KIAA0753: variants seen among roughly 807,000 people sequenced by gnomAD.
The protein encoded by KIAA0753 is KIAA0753.
In KIAA0753, 114 loss-of-function variants were observed where a neutral mutation model predicts 116.9. That is an observed-to-expected ratio of 0.98 (90% CI 0.84 to 1.14). The LOEUF is 1.14. Among genes scored for constraint, KIAA0753 ranks in the 50% most tolerant of loss-of-function variants. The pLI, the probability that KIAA0753 is intolerant of heterozygous loss-of-function variation, is 0.00. For missense variants in KIAA0753, 1,156 were observed against 1,172.4 expected (o/e 0.99, Z 0.20); for synonymous variants, 405 against 413.1 (o/e 0.98, Z 0.24).
intron 18 of KIAA0753, among the ~76,000 whole-genome samples, chr17:6,583,431 G>C (rs557667044): frequency 9.2e-5 from 14 of 152,110 alleles, no homozygotes; most frequent in Non-Finnish European, 2.1e-4. Context: ...TATCTCTTGG[G>C]ATGTTGTTTG....
intron 3 of KIAA0753, among the ~76,000 whole-genome samples, chr17:6,625,484 T>A (rs1971605768): frequency 1.3e-5 from 2 of 151,872 alleles, no homozygotes; most frequent in African/African-American, 4.8e-5. Context: ...CCGGCCAACA[T>A]GGCAAAACCC....
At chr17:6,629,575 G>A (rs1207559217) in intron 2 of KIAA0753, among the ~76,000 whole-genome samples, 1 of 152,100 alleles carries the variant, frequency 6.6e-6, no homozygotes, top group African/African-American at 2.4e-5. Context: ...GGAAAGAAAC[G>A]ATTTTATGGC....
chr17:6,635,584 A>G (rs971686378), intron 1 of KIAA0753: 1 of 152,614 alleles, frequency 6.6e-6, no homozygotes, highest in African/African-American at 2.4e-5. Flanking sequence ...AGTATGCTTC[A>G]CTCTGTCAGG....
At chr17:6,592,884 T>C (rs548564881) in intron 16 of KIAA0753, among the ~76,000 whole-genome samples, 106 of 152,144 alleles carry the variant, frequency 7.0e-4, no homozygotes, top group African/African-American at 2.6e-3. Flanking sequence ...CCATTTTTTT[T>C]CCATGGGAAA....
rs1414420640 is a variant in KIAA0753, at chr17:6,635,191, C to T, written c.-68-20G>A. 2 of 955,482 alleles carry T rather than the reference C, an allele frequency of 2.1e-6. No individual in the cohort carries two copies. Among genetic ancestry groups the T allele is most frequent in the Non-Finnish European group, 3.4e-6 (2 of 587,446 alleles). The allele number at this position is 955,482 out of a possible 1,614,324, so 59.2% of individuals were successfully genotyped here. A position where few individuals can be genotyped will look rare whatever the true frequency, so the allele number is the denominator to read the frequency against. ...CCATTCCTAAAACGAAACAAAGCTA[C>T]TTCAGACCAACAGCGTTGAACAAGG... On this transcript the variant is annotated intron_variant, in intron 1 of 18. Transcript: ENST00000361413.
chr17:6,592,437 G>A (rs1274583510), intron 16 of KIAA0753, among the ~76,000 whole-genome samples: 2 of 152,154 alleles, frequency 1.3e-5, no homozygotes, highest in East Asian at 3.9e-4. Context: ...CTTTTCTTGA[G>A]TAAGGCAGTA....
At chr17:6,634,028 T>A (rs1253708363) in intron 2 of KIAA0753, among the ~76,000 whole-genome samples, 1 of 151,282 alleles carries the variant, frequency 6.6e-6, no homozygotes, top group Non-Finnish European at 1.5e-5. Flanking sequence ...TTGCAATGTG[T>A]ACATCTTTCA....
chr17:6,582,535 T>G (rs1291504872), intron 18 of KIAA0753, among the ~76,000 whole-genome samples: 1 of 152,222 alleles, frequency 6.6e-6, no homozygotes, highest in Non-Finnish European at 1.5e-5. Context: ...CCACCCAGTT[T>G]TTGTTTTTTC....
chr17:6,623,114 T>C lies in KIAA0753; in HGVS notation c.889-17A>G, dbSNP rs1315495534. The C allele has an allele frequency of 1.9e-6, 3 of 1,599,792 alleles. No homozygotes were observed. Among genetic ancestry groups the C allele is most frequent in the East Asian group, 2.3e-5 (1 of 44,354 alleles). On this transcript the variant is annotated splice_polypyrimidine_tract_variant and intron_variant, in intron 5 of 18. Transcript: ENST00000361413. Reference sequence around the variant, plus strand: ...TGCCCATGACTGGTAATAAACAAGATGAGAGAAGTTATTTCCATACTCAGA... The same window carrying C: ...TGCCCATGACTGGTAATAAACAAGACGAGAGAAGTTATTTCCATACTCAGA...
chr17:6,601,607 A>G (rs935019955), intron 12 of KIAA0753, among the ~76,000 whole-genome samples: 10 of 152,378 alleles, frequency 6.6e-5, no homozygotes, highest in Middle Eastern at 3.4e-3. Flanking sequence ...GATATCCATT[A>G]AAGAAAATGA....
Position 6,639,196 on chromosome 17 carries a change from A to G in KIAA0753, c.-69+1441T>C, listed in dbSNP as rs1597622554. 6.6e-6 allele frequency: 1 copy of G among 151,482 alleles called. No homozygotes were observed. The highest frequency in any genetic ancestry group is 2.1e-4 in the South Asian group (1 of 4,802). 9.4% of individuals were successfully genotyped at this position (151,482 alleles called of 1,614,324 possible). On this transcript the variant is annotated intron_variant, in intron 1 of 18. Coordinates refer to ENST00000361413, the MANE Select transcript of KIAA0753 (RefSeq NM_014804.3). The surrounding 1 kb of genome is among the most constrained non-coding windows in gnomAD (Gnocchi z 4.3). ...AGGCTCCTCCTCCACAGCATCGGAC[A>G]CCCCCACAGCCTGTCCCCTCCCCCA...
chr17:6,601,217 T>G (rs2150794193), intron 12 of KIAA0753, among the ~76,000 whole-genome samples: 1 of 152,154 alleles, frequency 6.6e-6, no homozygotes, highest in South Asian at 2.1e-4. Context: ...GTTTGAGAAA[T>G]TAAGACTCCT....
chr17:6,601,994 A>G (rs1039430155), intron 12 of KIAA0753, among the ~76,000 whole-genome samples: 4 of 152,232 alleles, frequency 2.6e-5, no homozygotes, highest in Admixed American at 6.5e-5. Flanking sequence ...ACTTGAACAC[A>G]CACTTCATAA....
At position 6,610,003 on chromosome 17, in the gene KIAA0753, G is replaced by A; in HGVS notation, c.1703C>T (p.Ser568Phe). The change falls in exon 9 of 19, where the codon TCT becomes TTT. Residue 568 changes from serine (S) to phenylalanine (F), a missense_variant. By Grantham distance (155) the Ser-to-Phe change is radical. Transcript: ENST00000361413. The stretch of plus-strand genomic sequence containing the variant: ...TTGAGTTTTCACATACCATTTAGGA[G>A]ACGCTGGTGGGGATGTGGGGTTTGG... ...IPPNPTSPPA[S>F]PKCAAWLKVK... 1 of 1,614,066 alleles carries A rather than the reference G, an allele frequency of 6.2e-7. No individual in the cohort carries two copies. Among genetic ancestry groups the A allele is most frequent in the Non-Finnish European group, 8.5e-7 (1 of 1,179,952 alleles).
At chr17:6,633,268 G>T (rs1972112464) in intron 2 of KIAA0753, among the ~76,000 whole-genome samples, 1 of 152,298 alleles carries the variant, frequency 6.6e-6, no homozygotes, top group Non-Finnish European at 1.5e-5. Flanking sequence ...GAATTCTGTG[G>T]ACTATTCTTG....
chr17:6,638,156 C>G (rs974336851), intron 1 of KIAA0753: 1 of 152,992 alleles, frequency 6.5e-6, no homozygotes, highest in African/African-American at 2.4e-5. Context: ...GCCACGTGTC[C>G]CCCTGAAGCC....
At chr17:6,624,630 A>T in intron 4 of KIAA0753, 125 bp downstream of exon 4, 1 of 635,486 alleles carries the variant, frequency 1.6e-6, no homozygotes, top group African/African-American at 1.8e-5. Flanking sequence ...TGAGCCTCAC[A>T]AATCTGTCAG....
chr17:6,634,845 C>A, intron 2 of KIAA0753, 166 bp downstream of exon 2: 1 of 570,430 alleles, frequency 1.8e-6, no homozygotes, highest in Non-Finnish European at 3.1e-6. Flanking sequence ...TGGGGTGATT[C>A]TGCAAAAATT....
intron 18 of KIAA0753, among the ~76,000 whole-genome samples, chr17:6,582,726 T>C (rs1968270610): frequency 6.6e-6 from 1 of 152,254 alleles, no homozygotes; most frequent in Non-Finnish European, 1.5e-5. Flanking sequence ...TGCTCTTCTC[T>C]ATTGACTTGG....
Sources: gnomAD v4.1 joint callset for allele counts (sites outside exome capture counted in the v4.1 genomes callset) on GRCh38, gnomAD v4.1.1 for gene constraint, Gnocchi (gnomAD v3.1) non-coding constraint, MANE v1.5 for transcripts, NCBI Gene and HGNC (gene_info 2026-07-23, HGNC 2026-07-21) for gene names.